IQSEC2: variants seen among roughly 807,000 people sequenced by gnomAD.
The protein encoded by IQSEC2 is IQ motif and Sec7 domain ArfGEF 2.
IQSEC2 carries 6 observed loss-of-function variants against 74.6 expected under a neutral mutation model. The ratio of observed to expected loss-of-function variants is 0.08; its 90% CI spans 0.04 to 0.16. The LOEUF is 0.16. Among genes scored for constraint, IQSEC2 ranks in the 10% least tolerant of loss-of-function variants. The pLI, the probability that IQSEC2 is intolerant of heterozygous loss-of-function variation, is 1.00. For missense variants in IQSEC2, 734 were observed against 1,306.2 expected (o/e 0.56, Z 6.75); for synonymous variants, 494 against 544.5 (o/e 0.91, Z 1.29).
chrX:53,283,980 G>A (rs1480551602), intron 2 of IQSEC2, among the ~76,000 whole-genome samples: 3 of 111,538 alleles, frequency 2.7e-5, no homozygotes, highest in Non-Finnish European at 3.8e-5. Flanking sequence ...CGAAGAGACT[G>A]ACGTGGCGGG....
intron 6 of IQSEC2, 26 bp from the exon 7 acceptor site, chrX:53,248,262 C>T (rs782012055): frequency 4.4e-5 from 53 of 1,202,562 alleles, no homozygotes; most frequent in Middle Eastern, 2.3e-4. Flanking sequence ...GGAGGTGTGG[C>T]GCTTTCAATT....
chrX:53,271,666 C>A (rs1179808899), intron 2 of IQSEC2, among the ~76,000 whole-genome samples: 1 of 111,998 alleles, frequency 8.9e-6, no homozygotes, highest in Non-Finnish European at 1.9e-5. Context: ...TGCTCAAATC[C>A]ATTTCTTCTC....
chrX:53,235,650 G>A (rs782335587), intron 14 of IQSEC2, 133 bp downstream of exon 14: 6 of 600,901 alleles, frequency 1.0e-5, no homozygotes, highest in Non-Finnish European at 1.7e-5. Context: ...TGGAGAGAGT[G>A]GTTGGCTGGG....
intron 1 of IQSEC2, among the ~76,000 whole-genome samples, chrX:53,309,277 C>T (rs1020155267): frequency 1.8e-5 from 2 of 111,998 alleles, no homozygotes; most frequent in African/African-American, 3.3e-5. Flanking sequence ...GCCAGAAGAA[C>T]TAAATGGGAA....
chrX:53,276,898 T>A (rs911051484), intron 2 of IQSEC2, among the ~76,000 whole-genome samples: 17 of 112,534 alleles, frequency 1.5e-4, no homozygotes, highest in African/African-American at 5.5e-4. Context: ...TGTTGAACAA[T>A]CCCTGCACTC....
chrX:53,288,841 T>G (rs1312450535), intron 2 of IQSEC2, among the ~76,000 whole-genome samples: 1 of 112,199 alleles, frequency 8.9e-6, no homozygotes, highest in Non-Finnish European at 1.9e-5. Flanking sequence ...GCTAGCTTTG[T>G]GACCTCGAGC....
At chrX:53,237,153 G>A (rs1193766221) in intron 12 of IQSEC2, among the ~76,000 whole-genome samples, 1 of 111,805 alleles carries the variant, frequency 8.9e-6, no homozygotes, top group Non-Finnish European at 1.9e-5. Context: ...AAGTCTTAGA[G>A]CTTGCCCAGG....
At chrX:53,239,086 C>T in intron 11 of IQSEC2, 109 bp downstream of exon 11, 2 of 608,885 alleles carry the variant, frequency 3.3e-6, no homozygotes, top group African/African-American at 4.3e-5. Flanking sequence ...TTTGGAGACC[C>T]TTAGTCCGGT....
Position 53,250,624 on chromosome X carries a change from G to T in IQSEC2, c.1952C>A (p.Pro651His). 8.3e-7 allele frequency: 1 copy of T among 1,208,816 alleles called. No individual in the cohort carries two copies. The highest frequency in any genetic ancestry group is 1.8e-5 in the South Asian group (1 of 56,929). ...APIPHRHYPAPEGPAPAPPGP... is the reference protein window; with the variant it reads ...APIPHRHYPAHEGPAPAPPGP... ...TGGTGGGGCTGGGGCTGGGCCTTCA[G>T]GGGCTGGGTAGTGGCGGTGTGGGAT... The change falls in exon 5 of 15, where the codon CCT becomes CAT. Residue 651 changes from proline to histidine, a missense_variant. Coordinates refer to ENST00000642864, the MANE Select transcript of IQSEC2 (RefSeq NM_001111125.3).
chrX:53,262,545 C>T (rs1164300878), intron 2 of IQSEC2, among the ~76,000 whole-genome samples: 1 of 112,334 alleles, frequency 8.9e-6, no homozygotes, highest in Admixed American at 9.3e-5. Flanking sequence ...TGGATGGGAC[C>T]AGGGGCTTTG....
At chrX:53,304,013 G>C (rs1346355038) in intron 1 of IQSEC2, among the ~76,000 whole-genome samples, 1 of 109,525 alleles carries the variant, frequency 9.1e-6, no homozygotes, top group Non-Finnish European at 1.9e-5. Flanking sequence ...CGCGGTGCCT[G>C]TAATCCCAGC....
downstream of IQSEC2, among the ~76,000 whole-genome samples, chrX:53,228,486 C>A (rs1424177194): frequency 9.0e-6 from 1 of 111,615 alleles, no homozygotes; most frequent in Non-Finnish European, 1.9e-5. Context: ...CTTGGCCTCA[C>A]CCATCCACCC....
chrX:53,300,876 T>C (rs1191820376), intron 1 of IQSEC2, among the ~76,000 whole-genome samples: 7 of 111,269 alleles, frequency 6.3e-5, no homozygotes, highest in African/African-American at 9.8e-5. Context: ...AAATGATGGT[T>C]ATGAAGAATA....
chrX:53,291,698 T>C (rs2075101826), intron 2 of IQSEC2, among the ~76,000 whole-genome samples, 197 bp downstream of exon 2: 1 of 110,924 alleles, frequency 9.0e-6, no homozygotes, highest in Non-Finnish European at 1.9e-5. Flanking sequence ...GGAACAGTCT[T>C]GAACCCCCTC....
chrX:53,252,696 C>T (rs2074410485), intron 4 of IQSEC2, among the ~76,000 whole-genome samples: 1 of 112,160 alleles, frequency 8.9e-6, no homozygotes, highest in Admixed American at 9.4e-5. Context: ...ACCAGAACCA[C>T]TCAGCCATGC....
At chrX:53,236,823 C>A (rs2074138829) in intron 12 of IQSEC2, among the ~76,000 whole-genome samples, 1 of 111,134 alleles carries the variant, frequency 9.0e-6, no homozygotes, top group African/African-American at 3.3e-5. Flanking sequence ...TGCCCTCTTG[C>A]AATCAGGTCT....
At chrX:53,251,280 G>T in intron 4 of IQSEC2, 106 bp from the exon 5 acceptor site, 5 of 852,347 alleles carry the variant, frequency 5.9e-6, no homozygotes, top group Non-Finnish European at 8.4e-6. Flanking sequence ...GGAAAAAGGG[G>T]GAGTCTTCCT....
At chrX:53,236,755 T>A (rs1556859827) in intron 12 of IQSEC2, among the ~76,000 whole-genome samples, 2 of 111,309 alleles carry the variant, frequency 1.8e-5, no homozygotes, top group Non-Finnish European at 3.8e-5. Flanking sequence ...TCCCTCTTGG[T>A]GCCTGCTCTC....
At chrX:53,274,866 C>T (rs1028743448) in intron 2 of IQSEC2, among the ~76,000 whole-genome samples, 1 of 111,276 alleles carries the variant, frequency 9.0e-6, no homozygotes, top group Admixed American at 9.6e-5. Context: ...GTTATCTCTC[C>T]ATTTTGAATG....
Sources: gnomAD v4.1 joint callset for allele counts (sites outside exome capture counted in the v4.1 genomes callset) on GRCh38, gnomAD v4.1.1 for gene constraint, MANE v1.5 for transcripts, NCBI Gene and HGNC (gene_info 2026-07-23, HGNC 2026-07-21) for gene names.